The following SRRM4 variants were observed in gnomAD, a reference collection of about 807,000 sequenced individuals.
The protein encoded by SRRM4 is serine/arginine repetitive matrix protein 4.
Under a neutral mutation model 68.9 loss-of-function variants are expected in SRRM4, and 33 were observed. That is an observed-to-expected ratio of 0.48 (90% CI 0.36 to 0.64). The LOEUF (loss-of-function observed/expected upper bound fraction) is 0.64, where lower values mean the gene tolerates loss of function less well. Ranked by LOEUF, SRRM4 falls within the 30% of genes least tolerant of loss-of-function variation. SRRM4 has a pLI of 0.00. For synonymous variants in SRRM4, 318 were observed against 318.8 expected (o/e 1.00, Z 0.03); for missense variants, 817 against 827.1 (o/e 0.99, Z 0.15).
intron 7 of SRRM4, among the ~76,000 whole-genome samples, chr12:119,127,295 G>A (rs1954268018): frequency 1.3e-5 from 2 of 152,174 alleles, no homozygotes; most frequent in Admixed American, 1.3e-4. Flanking sequence ...GAGACCTCCA[G>A]CTTCCAGATG....
intron 6 of SRRM4, among the ~76,000 whole-genome samples, chr12:119,122,667 GA>G (rs1393718693): frequency 2.6e-5 from 4 of 152,198 alleles, no homozygotes; most frequent in African/African-American, 9.7e-5. Flanking sequence ...GTGCTTGTGT[GA>G]GCATGAATGT....
At chr12:119,103,862 G>A (rs1954091298) in intron 2 of SRRM4, among the ~76,000 whole-genome samples, 1 of 152,158 alleles carries the variant, frequency 6.6e-6, no homozygotes, top group Non-Finnish European at 1.5e-5. Context: ...AAATTAGCCA[G>A]GTGTGATGGT....
chr12:118,996,391 AG>A (rs1209368029), intron 1 of SRRM4, among the ~76,000 whole-genome samples: 1 of 152,248 alleles, frequency 6.6e-6, no homozygotes, highest in African/African-American at 2.4e-5. Context: ...TTGTGCAAAA[AG>A]ATTTCACATA....
Position 119,160,291 on chromosome 12 carries a change from C to CTCTCTCTG in SRRM4, c.*3500_*3501insGTCTCTCT, listed in dbSNP as rs1460202340. 2.3e-3 allele frequency: 78 copies of CTCTCTCTG among 33,238 alleles called. No individual in the cohort carries two copies. Among genetic ancestry groups the CTCTCTCTG allele is most frequent in the African/African-American group, 0.013 (75 of 5,668 alleles). 2.1% of individuals were successfully genotyped at this position (33,238 alleles called of 1,614,324 possible). On this transcript the variant is annotated 3_prime_UTR_variant, in exon 13 of 13. Transcript: ENST00000267260. ...TCTCTCTCTCTGTCTCTCTCTCTGTCTCTCTCTCTCTCTCTCTCTCTCTCT... is the reference window on the plus strand; with the variant it reads ...TCTCTCTCTCTGTCTCTCTCTCTGTCTCTCTCTGTCTCTCTCTCTCTCTCTCTCTCTCT...
chr12:119,000,867 A>G (rs977288661), intron 1 of SRRM4: 3 of 152,192 alleles, frequency 2.0e-5, no homozygotes, highest in Non-Finnish European at 4.4e-5. Context: ...TTCATTTCCT[A>G]TCCTCTTTCC....
chr12:119,011,086 G>C (rs2135997356), intron 1 of SRRM4, among the ~76,000 whole-genome samples: 1 of 152,220 alleles, frequency 6.6e-6, no homozygotes, highest in Admixed American at 6.5e-5. Flanking sequence ...CACATATGAA[G>C]AAGAGGGGGA....
intron 1 of SRRM4, among the ~76,000 whole-genome samples, chr12:118,993,397 C>G (rs1953329318): frequency 1.3e-5 from 2 of 152,210 alleles, no homozygotes; most frequent in Non-Finnish European, 2.9e-5. Flanking sequence ...TATCTTTTTC[C>G]TGCATGGAGA....
intron 1 of SRRM4, among the ~76,000 whole-genome samples, chr12:119,020,852 A>G (rs367831972): frequency 1.3e-5 from 2 of 152,362 alleles, no homozygotes; most frequent in East Asian, 3.9e-4. Flanking sequence ...ACTTTTACAA[A>G]GAAAGCTGGG....
intron 1 of SRRM4, among the ~76,000 whole-genome samples, chr12:119,037,784 A>G (rs534542579): frequency 1.3e-5 from 2 of 152,332 alleles, no homozygotes; most frequent in Admixed American, 6.5e-5. Context: ...TCAAGGCCAG[A>G]GCCCAGATTT....
intron 2 of SRRM4, among the ~76,000 whole-genome samples, chr12:119,107,574 C>T (rs1954114995): frequency 6.6e-6 from 1 of 152,142 alleles, no homozygotes; most frequent in African/African-American, 2.4e-5. Context: ...AGGAATTTAT[C>T]CATTTCTTCT....
At chr12:119,016,525 G>GA in intron 1 of SRRM4, among the ~76,000 whole-genome samples, 1 of 151,176 alleles carries the variant, frequency 6.6e-6, no homozygotes, top group Non-Finnish European at 1.5e-5. Flanking sequence ...TTCTAATCAA[G>GA]AATTATGAAA....
chr12:119,039,558 T>C (rs1400209227), intron 1 of SRRM4, among the ~76,000 whole-genome samples: 1 of 152,230 alleles, frequency 6.6e-6, no homozygotes, highest in Non-Finnish European at 1.5e-5. Flanking sequence ...ACCTGATCCC[T>C]GCTGGTGTAG....
At chr12:119,143,900 T>C (rs1407125436) in intron 8 of SRRM4, among the ~76,000 whole-genome samples, 2 of 152,122 alleles carry the variant, frequency 1.3e-5, no homozygotes, top group Admixed American at 6.6e-5. Flanking sequence ...GATGGTTATC[T>C]CTGGAGAAGG....
chr12:119,114,751 G>A (rs764400663), intron 3 of SRRM4, among the ~76,000 whole-genome samples: 4 of 132,288 alleles, frequency 3.0e-5, no homozygotes, highest in African/African-American at 5.7e-5. Flanking sequence ...TGCAATCTCC[G>A]CCTCCCAGGT....
intron 5 of SRRM4, among the ~76,000 whole-genome samples, chr12:119,120,872 G>A (rs1246563107): frequency 6.6e-6 from 1 of 152,204 alleles, no homozygotes; most frequent in Non-Finnish European, 1.5e-5. Flanking sequence ...AGGTAACGGA[G>A]CCGAAATTCA....
chr12:119,139,588 C>T (rs1954352085), intron 8 of SRRM4, among the ~76,000 whole-genome samples: 1 of 152,194 alleles, frequency 6.6e-6, no homozygotes. Flanking sequence ...GTTACCACCT[C>T]CTCTCTGCCA....
rs1954491264 is a variant in SRRM4, at chr12:119,158,965, TTTTGTGTG to T, written c.*2169_*2176del. ...ATTGAATTATTTATTTATACAGAGG[TTTTGTGTG>T]TGTGTGTGTGTGTGTGTGTGTGTGT... On this transcript the variant is annotated 3_prime_UTR_variant, in exon 13 of 13. Transcript: ENST00000267260. The T allele has an allele frequency of 7.5e-6, 1 of 132,784 alleles. No individual in the cohort carries two copies. Among genetic ancestry groups the T allele is most frequent in the South Asian group, 2.6e-4 (1 of 3,854 alleles). 8.2% of individuals were successfully genotyped at this position (132,784 alleles called of 1,614,324 possible). A position where few individuals can be genotyped will look rare whatever the true frequency, so the allele number is the denominator to read the frequency against.
At chr12:118,999,454 A>T (rs1018114898) in intron 1 of SRRM4, among the ~76,000 whole-genome samples, 2 of 152,170 alleles carry the variant, frequency 1.3e-5, no homozygotes, top group Non-Finnish European at 1.5e-5. Flanking sequence ...GCTGTGTCCC[A>T]CCTGTGTTAA....
intron 8 of SRRM4, among the ~76,000 whole-genome samples, chr12:119,140,342 C>T (rs564524343): frequency 1.5e-4 from 22 of 150,512 alleles, no homozygotes; most frequent in African/African-American, 5.4e-4. Flanking sequence ...CATGCCATTG[C>T]ACTCCAGCCT....
Sources: gnomAD v4.1 joint callset for allele counts (sites outside exome capture counted in the v4.1 genomes callset) on GRCh38, gnomAD v4.1.1 for gene constraint, MANE v1.5 for transcripts, NCBI Gene and HGNC (gene_info 2026-07-23, HGNC 2026-07-21) for gene names.